BCAR3: variants seen among roughly 807,000 people sequenced by gnomAD.
The protein encoded by BCAR3 is breast cancer anti-estrogen resistance protein 3.
A neutral mutation model predicts 80.1 loss-of-function variants in BCAR3; 37 were observed. The ratio of observed to expected loss-of-function variants is 0.46; its 90% CI spans 0.36 to 0.61. The LOEUF (loss-of-function observed/expected upper bound fraction) is 0.61. Ranked by LOEUF, BCAR3 falls within the 20% of genes least tolerant of loss-of-function variation. The pLI is 0.00. For missense variants in BCAR3, 978 were observed against 1,068.2 expected (o/e 0.92, Z 1.18); for synonymous variants, 389 against 418.9 (o/e 0.93, Z 0.87).
rs142676637 is a variant in BCAR3, at chr1:93,711,683, G to A, written c.-62-5541C>T. 7.2e-5 allele frequency among the ~76,000 whole-genome samples: 11 copies of A among 152,310 alleles called. No homozygotes were observed. In the East Asian group the frequency reaches 1.3e-3, roughly 19 times the overall value. ...CACACCAGAGTATCCCCAGAGCCTA[G>A]TACAGTACCTGGCACATAGTAGAGA... is the stretch of plus-strand genomic sequence containing the variant. On this transcript the variant is annotated intron_variant, in intron 2 of 13. Coordinates refer to the BCAR3 transcript ENST00000370244.
intron 2 of BCAR3, among the ~76,000 whole-genome samples, chr1:93,773,124 G>T (rs1379278861): frequency 6.6e-6 from 1 of 152,156 alleles, no homozygotes; most frequent in Admixed American, 6.5e-5. Context: ...GTTTTAGCTT[G>T]CAGACCCCAA....
At chr1:93,834,324 C>T (rs1017954332) in intron 2 of BCAR3, among the ~76,000 whole-genome samples, 1 of 152,264 alleles carries the variant, frequency 6.6e-6, no homozygotes, top group Admixed American at 6.5e-5. Flanking sequence ...CCCTATGGTG[C>T]CAAACCCATA....
intron 2 of BCAR3, among the ~76,000 whole-genome samples, chr1:93,744,794 T>C (rs1651297698): frequency 6.6e-6 from 1 of 152,204 alleles, no homozygotes; most frequent in South Asian, 2.1e-4. Context: ...TCAAACGCAA[T>C]GGGTTTCATG....
chr1:93,674,003 A>AT (rs1648344836), intron 2 of BCAR3, among the ~76,000 whole-genome samples: 1 of 152,250 alleles, frequency 6.6e-6, no homozygotes, highest in South Asian at 2.1e-4. Flanking sequence ...AGTGGTTTTT[A>AT]TTTAGGTGTT....
At chr1:93,610,868 T>C (rs1570966964) in intron 3 of BCAR3, among the ~76,000 whole-genome samples, 1 of 151,504 alleles carries the variant, frequency 6.6e-6, no homozygotes, top group Non-Finnish European at 1.5e-5. Context: ...AAGGCGGAGG[T>C]TGTAGTGAGC....
intron 1 of BCAR3, among the ~76,000 whole-genome samples, chr1:93,679,815 A>G (rs771030834): frequency 3.5e-4 from 53 of 152,236 alleles, no homozygotes; most frequent in Non-Finnish European, 7.8e-4. Flanking sequence ...GGCAGAGATA[A>G]GCAGCCCACT....
chr1:93,583,924 G>A (rs959698472), intron 6 of BCAR3, 94 bp downstream of exon 6: 43 of 1,280,266 alleles, frequency 3.4e-5, no homozygotes, highest in Admixed American at 5.8e-5. Context: ...GCCTTGTGTC[G>A]TTTTCGAATG....
chr1:93,740,847 G>A (rs1651151641), intron 2 of BCAR3, among the ~76,000 whole-genome samples: 1 of 152,170 alleles, frequency 6.6e-6, no homozygotes, highest in African/African-American at 2.4e-5. Flanking sequence ...CGGGCTTTTT[G>A]TTTATTTCTA....
chr1:93,694,220 G>A (rs760323120), intron 3 of BCAR3, among the ~76,000 whole-genome samples: 4 of 152,178 alleles, frequency 2.6e-5, no homozygotes, highest in East Asian at 1.9e-4. Flanking sequence ...CCCCTGGCAC[G>A]TGGAAATCAC....
intron 2 of BCAR3, among the ~76,000 whole-genome samples, chr1:93,738,924 C>T (rs1339009283): frequency 1.3e-5 from 2 of 152,046 alleles, no homozygotes; most frequent in South Asian, 4.2e-4. Context: ...GAATAGGAGC[C>T]GTGGGAAGAG....
chr1:93,644,401 T>C (rs1676087251), intron 2 of BCAR3, among the ~76,000 whole-genome samples: 1 of 152,220 alleles, frequency 6.6e-6, no homozygotes, highest in African/African-American at 2.4e-5. Context: ...CTCAACCAAT[T>C]GTCAACCAGA....
chr1:93,841,577 T>C (rs1262662261), intron 2 of BCAR3, among the ~76,000 whole-genome samples: 2 of 152,232 alleles, frequency 1.3e-5, no homozygotes, highest in Admixed American at 6.5e-5. Context: ...GAATTGGTGG[T>C]GCTGCCTGCC....
intron 3 of BCAR3, among the ~76,000 whole-genome samples, chr1:93,637,420 G>A (rs1308299087): frequency 4.6e-5 from 7 of 152,132 alleles, no homozygotes; most frequent in Non-Finnish European, 1.0e-4. Flanking sequence ...CTCCCAAAGT[G>A]CTGGGATTAC....
chr1:93,667,961 T>C (rs1283144296), intron 2 of BCAR3, among the ~76,000 whole-genome samples: 1 of 152,204 alleles, frequency 6.6e-6, no homozygotes, highest in African/African-American at 2.4e-5. Context: ...CAAATCCACA[T>C]GTGATAAGAA....
intron 7 of BCAR3, among the ~76,000 whole-genome samples, chr1:93,577,671 G>A (rs1570921232): frequency 6.6e-6 from 1 of 152,232 alleles, no homozygotes; most frequent in Non-Finnish European, 1.5e-5. Flanking sequence ...TTTACAACTT[G>A]ACCTTGGCAA....
At chr1:93,703,827 A>G (rs910938149) in intron 3 of BCAR3, among the ~76,000 whole-genome samples, 4 of 152,240 alleles carry the variant, frequency 2.6e-5, no homozygotes, top group Non-Finnish European at 5.9e-5. Context: ...GGGGAGGCAG[A>G]CAAATGACAA....
chr1:93,693,022 C>T (rs565151447), intron 3 of BCAR3, among the ~76,000 whole-genome samples: 4 of 152,258 alleles, frequency 2.6e-5, no homozygotes, highest in South Asian at 4.2e-4. Flanking sequence ...TGTGTCCTAG[C>T]GCCGTCCTGG....
Position 93,830,940 on chromosome 1 carries a change from C to G in BCAR3, c.-63+14627G>C, listed in dbSNP as rs188862559. ...CCAGCCTCTCTTGCTACCCTTCAAT[C>G]TCCCTTTCTCGCTACCCTTCAATCT... On this transcript the variant is annotated intron_variant, in intron 2 of 13. Transcript: ENST00000370244. Among the ~76,000 whole-genome samples the G allele has an allele frequency of 1.8e-3, 275 of 151,552 alleles. 2 individuals carry two copies. The highest frequency in any genetic ancestry group is 3.3e-3 in the South Asian group (16 of 4,824).
intron 2 of BCAR3, among the ~76,000 whole-genome samples, chr1:93,725,290 G>A (rs1167254276): frequency 6.6e-6 from 1 of 152,200 alleles, no homozygotes; most frequent in African/African-American, 2.4e-5. Context: ...ATGCATGATG[G>A]TATGTGAAAT....
Sources: allele counts gnomAD v4.1 joint callset (sites outside exome capture counted in the v4.1 genomes callset), GRCh38; gene constraint gnomAD v4.1.1; transcripts MANE v1.5; gene names NCBI Gene and HGNC (gene_info 2026-07-23, HGNC 2026-07-21).